The following LARS2 variants were observed in gnomAD, a reference collection of about 807,000 sequenced individuals.
LARS2 encodes leucine--tRNA ligase, mitochondrial.
A neutral mutation model predicts 116.6 loss-of-function variants in LARS2; 81 were observed. The observed-to-expected ratio is 0.69, with a 90% CI of 0.58 to 0.84. The LOEUF is 0.84. Among genes scored for constraint, LARS2 ranks in the 40% least tolerant of loss-of-function variants. The pLI, the probability that LARS2 is intolerant of heterozygous loss-of-function variation, is 0.00. For missense variants in LARS2, 968 were observed against 1,114.5 expected (o/e 0.87, Z 1.87); for synonymous variants, 396 against 407.2 (o/e 0.97, Z 0.33).
At chr3:45,475,269 A>G (rs763391383) in intron 9 of LARS2, among the ~76,000 whole-genome samples, 2 of 152,118 alleles carry the variant, frequency 1.3e-5, no homozygotes, top group Admixed American at 6.5e-5. Flanking sequence ...GCCGCTTGCC[A>G]CTCAGCTTAT....
Position 45,520,242 on chromosome 3 carries a change from C to T in LARS2, c.2238C>T (p.Asp746=), listed in dbSNP as rs758417403. 3.8e-5 allele frequency: 62 copies of T among 1,612,884 alleles called. No homozygotes were observed. Among genetic ancestry groups the T allele is most frequent in the Non-Finnish European group, 4.9e-5 (58 of 1,179,092 alleles). Residue 746 remains aspartate, a synonymous_variant, in exon 19 of 22, where the codon GAC becomes GAT. Transcript: ENST00000645846. ...AGGTGACCACCCATTTCACAGAGGACTTCTCACTGAATTCTGCAATTTCTC... is the reference window on the plus strand; with the variant it reads ...AGGTGACCACCCATTTCACAGAGGATTTCTCACTGAATTCTGCAATTTCTC... The part of the protein sequence containing the change: ...ISQVTTHFTE[D]FSLNSAISQL...
intron 6 of LARS2, among the ~76,000 whole-genome samples, chr3:45,434,048 G>A (rs1337817587): frequency 3.9e-5 from 6 of 152,036 alleles, no homozygotes; most frequent in Non-Finnish European, 2.9e-5. Flanking sequence ...TGATTATGAT[G>A]TGTTTTGGAG....
At chr3:45,488,622 G>A in intron 11 of LARS2, 75 bp from the exon 12 acceptor site, 1 of 841,946 alleles carries the variant, frequency 1.2e-6, no homozygotes, top group Middle Eastern at 2.4e-4. Flanking sequence ...CTAAACCTGG[G>A]TGTCAGTACT....
chr3:45,514,362 C>T (rs1700339394), intron 16 of LARS2, among the ~76,000 whole-genome samples: 2 of 152,282 alleles, frequency 1.3e-5, no homozygotes, highest in Admixed American at 6.5e-5. Flanking sequence ...GGTAGGCAGC[C>T]TCTCCAGCCA....
chr3:45,430,515 C>T (rs1373278373), intron 6 of LARS2, among the ~76,000 whole-genome samples: 34 of 135,162 alleles, frequency 2.5e-4, no homozygotes, highest in African/African-American at 9.3e-4. Context: ...CTCCTGACCT[C>T]GTGATCTGCC....
At chr3:45,523,884 G>A (rs982255519) in intron 19 of LARS2, 113 bp from the exon 20 acceptor site, 12 of 707,076 alleles carry the variant, frequency 1.7e-5, no homozygotes, top group African/African-American at 5.3e-5. Flanking sequence ...GGATGGCAAA[G>A]GGGGTTTCTT....
chr3:45,484,618 A>ATATATATATATATATATATATAT (rs1223081345), intron 10 of LARS2, among the ~76,000 whole-genome samples: 1 of 13,910 alleles, frequency 7.2e-5, no homozygotes, highest in African/African-American at 1.1e-4. Context: ...AAAAAAAAAA[A>ATATATATATATATATATATATAT]AAAAAAAAAA....
chr3:45,401,687 C>T (rs765408849), intron 4 of LARS2, among the ~76,000 whole-genome samples: 19 of 152,084 alleles, frequency 1.2e-4, no homozygotes, highest in Non-Finnish European at 2.4e-4. Context: ...TGGTTGCAAT[C>T]ACAGTTCATT....
At chr3:45,447,012 C>A in intron 7 of LARS2, 32 bp downstream of exon 7, 1 of 1,261,252 alleles carries the variant, frequency 7.9e-7, no homozygotes, top group South Asian at 1.2e-5. Context: ...TTTTAAAATT[C>A]AGTGAATCTC....
At chr3:45,401,702 C>T (rs1698155124) in intron 4 of LARS2, among the ~76,000 whole-genome samples, 1 of 152,104 alleles carries the variant, frequency 6.6e-6, no homozygotes, top group Non-Finnish European at 1.5e-5. Flanking sequence ...TTCATTGCAG[C>T]CTCGACCTCC....
At chr3:45,534,458 T>C (rs536400557) in intron 20 of LARS2, among the ~76,000 whole-genome samples, 6 of 152,346 alleles carry the variant, frequency 3.9e-5, no homozygotes, top group Admixed American at 6.5e-5. Context: ...CTGGGACAGC[T>C]TTTATGCATA....
At chr3:45,476,368 T>G in intron 9 of LARS2, 100 bp from the exon 10 acceptor site, 4 of 1,248,692 alleles carry the variant, frequency 3.2e-6, no homozygotes, top group Non-Finnish European at 4.6e-6. Flanking sequence ...GTGGTCACTG[T>G]TGGGGAATGA....
chr3:45,459,275 T>C (rs917280219), intron 8 of LARS2, among the ~76,000 whole-genome samples: 1 of 152,196 alleles, frequency 6.6e-6, no homozygotes, highest in African/African-American at 2.4e-5. Flanking sequence ...AAAGATAGAA[T>C]GAAATCTCAG....
intron 7 of LARS2, among the ~76,000 whole-genome samples, chr3:45,452,371 G>A (rs1286289504): frequency 7.0e-6 from 1 of 142,594 alleles, no homozygotes; most frequent in Non-Finnish European, 1.5e-5. Flanking sequence ...TACTATACCC[G>A]ATTTGTTGAG....
At chr3:45,413,062 G>C (rs990923239) in intron 4 of LARS2, among the ~76,000 whole-genome samples, 9 of 152,206 alleles carry the variant, frequency 5.9e-5, no homozygotes, top group Non-Finnish European at 1.0e-4. Flanking sequence ...TACTGAAAAG[G>C]GGGCCAAGTA....
chr3:45,484,616 A>ATATATATATATATAT (rs1381915093), intron 10 of LARS2, among the ~76,000 whole-genome samples: 3 of 13,622 alleles, frequency 2.2e-4, no homozygotes, highest in Non-Finnish European at 2.9e-4. Context: ...AAAAAAAAAA[A>ATATATATATATATAT]AAAAAAAAAA....
At chr3:45,422,121 A>G (rs889624461) in intron 6 of LARS2, 1 of 152,330 alleles carries the variant, frequency 6.6e-6, no homozygotes, top group Admixed American at 6.5e-5. Context: ...TTTGGTATTT[A>G]TTGCCAAATT....
chr3:45,461,978 G>T (rs1382756458), intron 8 of LARS2, among the ~76,000 whole-genome samples: 3 of 152,232 alleles, frequency 2.0e-5, no homozygotes, highest in Non-Finnish European at 4.4e-5. Context: ...CAAAGATTGA[G>T]TGAGATAGGA....
At chr3:45,505,739 G>A (rs1022391295) in intron 15 of LARS2, among the ~76,000 whole-genome samples, 2 of 152,000 alleles carry the variant, frequency 1.3e-5, no homozygotes, top group African/African-American at 4.8e-5. Flanking sequence ...TGGAAACAAA[G>A]ACCATATGTA....
Sources: gnomAD v4.1 joint callset for allele counts (sites outside exome capture counted in the v4.1 genomes callset) on GRCh38, gnomAD v4.1.1 for gene constraint, MANE v1.5 for transcripts, NCBI Gene and HGNC (gene_info 2026-07-23, HGNC 2026-07-21) for gene names.